Variants in NR6A1 observed in about 807,000 individuals in gnomAD.
NR6A1 encodes nuclear receptor subfamily 6 group A member 1.
In NR6A1, 7 loss-of-function variants were observed where a neutral mutation model predicts 59.1. The ratio of observed to expected loss-of-function variants is 0.12; its 90% CI spans 0.07 to 0.22. The LOEUF (loss-of-function observed/expected upper bound fraction) is 0.22. NR6A1 is among the 10% of genes least tolerant of loss of function. The pLI is 1.00. For missense variants in NR6A1, 468 were observed against 611.6 expected (o/e 0.77, Z 2.48); for synonymous variants, 243 against 236.1 (o/e 1.03, Z -0.27).
At chr9:124,654,279 G>A (rs1436315221) in intron 2 of NR6A1, among the ~76,000 whole-genome samples, 2 of 152,060 alleles carry the variant, frequency 1.3e-5, no homozygotes, top group Non-Finnish European at 2.9e-5. Flanking sequence ...GGACTTCTTC[G>A]GCCTGCAGAA....
At chr9:124,756,834 G>A (rs561938959) in intron 1 of NR6A1, among the ~76,000 whole-genome samples, 4 of 152,058 alleles carry the variant, frequency 2.6e-5, no homozygotes, top group Non-Finnish European at 4.4e-5. Flanking sequence ...ATTTTTAGAG[G>A]CAACCAGAGA....
chr9:124,642,495 A>T (rs1836793886), intron 2 of NR6A1, among the ~76,000 whole-genome samples: 1 of 152,178 alleles, frequency 6.6e-6, no homozygotes, highest in African/African-American at 2.4e-5. Flanking sequence ...AATTTTTTTT[A>T]ATGGGCAACT....
At chr9:124,627,835 A>G (rs1836287989) in intron 2 of NR6A1, among the ~76,000 whole-genome samples, 1 of 148,560 alleles carries the variant, frequency 6.7e-6, no homozygotes, top group Non-Finnish European at 1.5e-5. Context: ...GGCCTCCCAA[A>G]GTGCTAGGAT....
At chr9:124,552,464 T>C (rs1039599736) in intron 3 of NR6A1, among the ~76,000 whole-genome samples, 22 of 152,266 alleles carry the variant, frequency 1.4e-4, no homozygotes, top group African/African-American at 4.8e-4. Context: ...GGGGACAAAC[T>C]TGGTAACACT....
intron 2 of NR6A1, among the ~76,000 whole-genome samples, chr9:124,620,209 AGAT>A (rs1409796775): frequency 2.0e-5 from 3 of 151,964 alleles, no homozygotes; most frequent in Non-Finnish European, 4.4e-5. Context: ...AAGATATAGA[AGAT>A]GATAATGATT....
intron 3 of NR6A1, among the ~76,000 whole-genome samples, chr9:124,547,684 G>A (rs1052771406): frequency 5.9e-5 from 9 of 152,012 alleles, no homozygotes; most frequent in East Asian, 1.9e-4. Context: ...GCATTCTTGC[G>A]AAAAATGCAT....
At chr9:124,544,734 G>A (rs993659249) in intron 3 of NR6A1, among the ~76,000 whole-genome samples, 3 of 152,172 alleles carry the variant, frequency 2.0e-5, no homozygotes, top group South Asian at 4.1e-4. Context: ...CTATGTGGGG[G>A]AAGAGTAGCA....
At chr9:124,690,274 T>G (rs1838490642) in intron 2 of NR6A1, among the ~76,000 whole-genome samples, 1 of 152,208 alleles carries the variant, frequency 6.6e-6, no homozygotes, top group Non-Finnish European at 1.5e-5. Flanking sequence ...TACATTGTTT[T>G]ATTGAGTTTA....
At chr9:124,710,453 C>A (rs928610186) in intron 2 of NR6A1, among the ~76,000 whole-genome samples, 21 of 152,118 alleles carry the variant, frequency 1.4e-4, no homozygotes, top group African/African-American at 5.1e-4. Context: ...ACAGAAAAAA[C>A]ACCCCCTTTC....
rs1197469405 is a variant in NR6A1 at position 124,599,641 on chromosome 9, G to A, written c.143-45071C>T. 24 of 1,165,314 alleles carry A rather than the reference G, an allele frequency of 2.1e-5. No homozygotes were observed. In the Admixed American group the frequency reaches 4.1e-4, roughly 20 times the overall value. The allele number at this position is 1,165,314 out of a possible 1,614,324, so 72.2% of individuals were successfully genotyped here. A position where few individuals can be genotyped will look rare whatever the true frequency, so the allele number is the denominator to read the frequency against. On this transcript the variant is annotated intron_variant, in intron 2 of 9. Transcript: ENST00000487099. ...GTCGTCGCCGGCTCCGCGGCCTCTC[G>A]GCGACTACTCGTAGCTCCTTCCCTC...
chr9:124,675,677 T>C (rs1297766888), intron 2 of NR6A1, among the ~76,000 whole-genome samples: 3 of 152,166 alleles, frequency 2.0e-5, no homozygotes, highest in Non-Finnish European at 4.4e-5. Flanking sequence ...GTGGCCCTAG[T>C]GTGTAATTCT....
At chr9:124,627,045 T>G (rs1473738784) in intron 2 of NR6A1, among the ~76,000 whole-genome samples, 1 of 152,224 alleles carries the variant, frequency 6.6e-6, no homozygotes, top group African/African-American at 2.4e-5. Flanking sequence ...GTTGTTCTAT[T>G]TAGAAAATGC....
intron 2 of NR6A1, among the ~76,000 whole-genome samples, chr9:124,625,844 A>G (rs1208703641): frequency 3.3e-5 from 5 of 152,170 alleles, no homozygotes; most frequent in Non-Finnish European, 5.9e-5. Flanking sequence ...CAAAAAGACC[A>G]GCCTCCCTCC....
chr9:124,617,805 T>C (rs941333978), intron 2 of NR6A1, among the ~76,000 whole-genome samples: 1 of 152,166 alleles, frequency 6.6e-6, no homozygotes, highest in Non-Finnish European at 1.5e-5. Context: ...TTGGGAGGTA[T>C]GGCAGACCCT....
intron 2 of NR6A1, among the ~76,000 whole-genome samples, chr9:124,629,720 C>G (rs1836367731): frequency 6.6e-6 from 1 of 152,190 alleles, no homozygotes; most frequent in Non-Finnish European, 1.5e-5. Flanking sequence ...GTCATCTTAG[C>G]ACATCGTTCT....
chr9:124,625,076 T>C (rs1836195433), intron 2 of NR6A1, among the ~76,000 whole-genome samples: 1 of 152,214 alleles, frequency 6.6e-6, no homozygotes, highest in Admixed American at 6.5e-5. Flanking sequence ...CACTCATAAC[T>C]ATTTCCAGAA....
chr9:124,531,128 T>C (rs1014221001), intron 7 of NR6A1, among the ~76,000 whole-genome samples: 2 of 152,242 alleles, frequency 1.3e-5, no homozygotes, highest in African/African-American at 4.8e-5. Flanking sequence ...GCCTGTTTCC[T>C]GAGCCTTATA....
intron 2 of NR6A1, among the ~76,000 whole-genome samples, chr9:124,560,915 G>C (rs977409560): frequency 2.6e-5 from 4 of 152,034 alleles, no homozygotes; most frequent in African/African-American, 9.7e-5. Flanking sequence ...GGGATTAGGT[G>C]AACAGACATA....
intron 2 of NR6A1, among the ~76,000 whole-genome samples, chr9:124,649,086 T>C (rs562938190): frequency 7.2e-5 from 11 of 151,776 alleles, no homozygotes; most frequent in African/African-American, 2.4e-4. Context: ...TTCGCAGAAA[T>C]AGAAAAATCC....
Sources: allele counts gnomAD v4.1 joint callset (sites outside exome capture counted in the v4.1 genomes callset), GRCh38; gene constraint gnomAD v4.1.1; transcripts MANE v1.5; gene names NCBI Gene and HGNC (gene_info 2026-07-23, HGNC 2026-07-21).